Variants in HFM1 observed in about 807,000 individuals in gnomAD.
HFM1 encodes probable ATP-dependent DNA helicase HFM1.
HFM1 carries 169 observed loss-of-function variants against 192.1 expected under a neutral mutation model. That is an observed-to-expected ratio of 0.88 (90% CI 0.78 to 1.00). The LOEUF (loss-of-function observed/expected upper bound fraction) is 1.00, where lower values mean the gene tolerates loss of function less well. HFM1 is among the 50% of genes least tolerant of loss of function. The pLI is 0.00. For synonymous variants in HFM1, 525 were observed against 537.8 expected (o/e 0.98, Z 0.33); for missense variants, 1,661 against 1,668.0 (o/e 1.00, Z 0.07).
At chr1:91,364,142 T>C (rs1285769682) in intron 13 of HFM1, among the ~76,000 whole-genome samples, 1 of 151,994 alleles carries the variant, frequency 6.6e-6, no homozygotes, top group Non-Finnish European at 1.5e-5. Context: ...TTTACCTATA[T>C]AACAAACCCA....
Position 91,319,443 on chromosome 1 carries a change from A to G in HFM1, c.2583-53T>C. 2.8e-6 allele frequency: 3 copies of G among 1,090,586 alleles called. No homozygotes were observed. The Admixed American group carries it at 5.2e-5, about 19-fold the overall frequency. 67.6% of individuals were successfully genotyped at this position (1,090,586 alleles called of 1,614,324 possible). On this transcript the variant is annotated intron_variant, in intron 23 of 38. Coordinates refer to ENST00000370425, the MANE Select transcript of HFM1 (RefSeq NM_001017975.6). ...CCCTTTTAAGGGTTATCTATCTCCC[A>G]GTATTTGATATCACTCACTGAAGTA...
intron 20 of HFM1, among the ~76,000 whole-genome samples, chr1:91,339,622 A>C (rs577336812): frequency 6.6e-6 from 1 of 152,336 alleles, no homozygotes; most frequent in Non-Finnish European, 1.5e-5. Context: ...AAGAATGAAC[A>C]AAACTTCCAA....
chr1:91,390,874 A>C (rs1662897055), intron 4 of HFM1, among the ~76,000 whole-genome samples: 3 of 152,196 alleles, frequency 2.0e-5, no homozygotes, highest in Admixed American at 2.0e-4. Flanking sequence ...CCAGCCCAAA[A>C]TCTCCTTAAG....
chr1:91,326,655 A>C (rs568630623), intron 20 of HFM1, among the ~76,000 whole-genome samples: 40 of 152,348 alleles, frequency 2.6e-4, no homozygotes, highest in African/African-American at 8.9e-4. Flanking sequence ...GTTAATAAGC[A>C]AGAAGAAAAT....
chr1:91,395,463 T>C (rs1200463999), intron 3 of HFM1, among the ~76,000 whole-genome samples: 1 of 152,148 alleles, frequency 6.6e-6, no homozygotes, highest in Non-Finnish European at 1.5e-5. Flanking sequence ...GGGGTATGTA[T>C]GTATTTAGAG....
intron 19 of HFM1, among the ~76,000 whole-genome samples, chr1:91,347,217 A>G (rs1656252715): frequency 6.6e-6 from 1 of 152,240 alleles, no homozygotes; most frequent in South Asian, 2.1e-4. Flanking sequence ...TTATACAAAG[A>G]AAGATATTCT....
At chr1:91,304,653 AT>A (rs1649349768) in intron 30 of HFM1, among the ~76,000 whole-genome samples, 1 of 115,936 alleles carries the variant, frequency 8.6e-6, no homozygotes, top group African/African-American at 3.3e-5. Flanking sequence ...TTTTTTTTGT[AT>A]TTTTAGTAGA....
At chr1:91,297,516 A>G (rs1300235153) in intron 30 of HFM1, among the ~76,000 whole-genome samples, 1 of 152,224 alleles carries the variant, frequency 6.6e-6, no homozygotes, top group Non-Finnish European at 1.5e-5. Flanking sequence ...CTTACCCCCA[A>G]GTAGGCTAAC....
At chr1:91,369,367 A>T (rs1340649823) in intron 13 of HFM1, among the ~76,000 whole-genome samples, 1 of 152,194 alleles carries the variant, frequency 6.6e-6, no homozygotes, top group Admixed American at 6.5e-5. Context: ...CTCCTCAGCA[A>T]ATGTAAAAGA....
chr1:91,378,915 C>T, intron 9 of HFM1, 148 bp downstream of exon 9: 1 of 535,262 alleles, frequency 1.9e-6, no homozygotes, highest in Non-Finnish European at 3.2e-6. Flanking sequence ...CTGTCTGTAC[C>T]TTGAATTGTA....
In HFM1 at chr1:91,262,574, C is replaced by A. The variant is rs750456971; in HGVS notation, c.3993G>T (p.Glu1331Asp). 26 of 1,594,560 alleles carry A rather than the reference C, an allele frequency of 1.6e-5. No individual in the cohort carries two copies. The highest frequency in any genetic ancestry group is 1.5e-5 in the Non-Finnish European group (17 of 1,166,670). ...EMSNSFVSSHEMSDISLSNSA... is the reference protein window; with the variant it reads ...EMSNSFVSSHDMSDISLSNSA... ...AATTTGATAAAGAAATATCCGACAT[C>A]TCATGTGATGAAACAAAACTAAAAA... The change falls in exon 37 of 39, where the codon GAG becomes GAT. Residue 1331 changes from glutamate (E) to aspartate (D), a missense_variant. Physicochemically the swap from Glu to Asp is conservative, Grantham distance 45 (BLOSUM62 2). Transcript: ENST00000370425.
chr1:91,330,149 T>C (rs1378908173), intron 20 of HFM1, among the ~76,000 whole-genome samples: 2 of 152,138 alleles, frequency 1.3e-5, no homozygotes, highest in African/African-American at 4.8e-5. Context: ...ACGGTGATGT[T>C]CATCTGGCAA....
chr1:91,356,583 A>G (rs1657769501), intron 13 of HFM1, among the ~76,000 whole-genome samples: 1 of 152,174 alleles, frequency 6.6e-6, no homozygotes, highest in African/African-American at 2.4e-5. Flanking sequence ...CAAAGTTAGC[A>G]GAAGAAAGGA....
At chr1:91,271,088 C>T (rs767153606) in intron 34 of HFM1, among the ~76,000 whole-genome samples, 6 of 151,966 alleles carry the variant, frequency 3.9e-5, no homozygotes, top group Non-Finnish European at 8.8e-5. Context: ...TTCATGGTGC[C>T]CTGCCTTCTC....
intron 2 of HFM1, among the ~76,000 whole-genome samples, chr1:91,398,623 T>C (rs1479208386): frequency 6.6e-6 from 1 of 152,170 alleles, no homozygotes; most frequent in African/African-American, 2.4e-5. Context: ...TACACATACC[T>C]TACAGTCCAA....
chr1:91,288,592 T>C (rs1369309987), intron 30 of HFM1, among the ~76,000 whole-genome samples: 1 of 152,002 alleles, frequency 6.6e-6, no homozygotes, highest in Non-Finnish European at 1.5e-5. Context: ...TTAAGGAGTA[T>C]GCTGCCTTCA....
intron 34 of HFM1, among the ~76,000 whole-genome samples, chr1:91,268,217 C>T (rs1665947658): frequency 2.0e-5 from 3 of 151,958 alleles, no homozygotes; most frequent in African/African-American, 2.4e-5. Context: ...AATTTTTCCT[C>T]TTAATTCCCA....
chr1:91,343,230 CAAAAAA>C (rs34902756), intron 20 of HFM1, among the ~76,000 whole-genome samples, 194 bp downstream of exon 20: 1 of 74,912 alleles, frequency 1.3e-5, no homozygotes, highest in Non-Finnish European at 2.3e-5. Context: ...GACTCTGTCT[CAAAAAA>C]AAAAAAAAAA....
chr1:91,293,360 A>T (rs1669004409), intron 30 of HFM1, among the ~76,000 whole-genome samples: 1 of 151,968 alleles, frequency 6.6e-6, no homozygotes, highest in African/African-American at 2.4e-5. Flanking sequence ...TTATAAGAAA[A>T]AAACAACCCC....
Sources: gnomAD v4.1 joint callset for allele counts (sites outside exome capture counted in the v4.1 genomes callset) on GRCh38, gnomAD v4.1.1 for gene constraint, MANE v1.5 for transcripts, NCBI Gene and HGNC (gene_info 2026-07-23, HGNC 2026-07-21) for gene names.